Variants in FHIT observed in about 807,000 individuals in gnomAD.
The protein encoded by FHIT is bis(5'-adenosyl)-triphosphatase.
In FHIT, 19 loss-of-function variants were observed where a neutral mutation model predicts 17.9. The ratio of observed to expected loss-of-function variants is 1.06; its 90% CI spans 0.74 to 1.56. The LOEUF (loss-of-function observed/expected upper bound fraction) is 1.56. Ranked by LOEUF, FHIT falls within the 40% of genes most tolerant of loss-of-function variation. The pLI is 0.00. For synonymous variants in FHIT, 81 were observed against 69.7 expected, an observed-to-expected ratio of 1.16 and a Z score of -0.81; for missense variants, 248 against 189.2, an observed-to-expected ratio of 1.31 and a Z score of -1.82.
chr3:60,870,246 T>C (rs1157353795), intron 3 of FHIT, among the ~76,000 whole-genome samples: 1 of 59,622 alleles, frequency 1.7e-5, no homozygotes, highest in Non-Finnish European at 3.3e-5. Flanking sequence ...AATACAGAGG[T>C]ATTTAAACAC....
intron 5 of FHIT, among the ~76,000 whole-genome samples, chr3:60,502,035 A>C (rs1298409378): frequency 6.6e-6 from 1 of 152,240 alleles, no homozygotes; most frequent in Non-Finnish European, 1.5e-5. Context: ...ATTTCAGAGA[A>C]AGAAGCAATC....
At chr3:60,118,533 T>G (rs570701898) in intron 5 of FHIT, among the ~76,000 whole-genome samples, 2 of 152,208 alleles carry the variant, frequency 1.3e-5, no homozygotes, top group South Asian at 4.2e-4. Context: ...CATAATACTG[T>G]CAGGAGCTTC....
chr3:60,019,024 T>A (rs1481281662), intron 5 of FHIT, among the ~76,000 whole-genome samples: 1 of 152,168 alleles, frequency 6.6e-6, no homozygotes, highest in Non-Finnish European at 1.5e-5. Context: ...TAGGTTTTAC[T>A]ACCATAAGTC....
intron 8 of FHIT, among the ~76,000 whole-genome samples, chr3:59,771,393 C>A (rs910262006): frequency 9.2e-5 from 14 of 152,110 alleles, no homozygotes; most frequent in African/African-American, 3.4e-4. Flanking sequence ...TTAAAAAAGA[C>A]AATTCTCCAA....
intron 2 of FHIT, among the ~76,000 whole-genome samples, chr3:61,065,298 C>T (rs1036566452): frequency 2.9e-5 from 4 of 137,466 alleles, no homozygotes; most frequent in Non-Finnish European, 5.0e-5. Flanking sequence ...CACACACATA[C>T]ACACACAGGC....
chr3:61,103,896 T>C (rs779862413), intron 2 of FHIT, among the ~76,000 whole-genome samples: 13 of 151,882 alleles, frequency 8.6e-5, no homozygotes, highest in Non-Finnish European at 1.6e-4. Context: ...TTTTTCTTTT[T>C]TTTTTTTCTT....
At chr3:60,289,233 C>T (rs1213896435) in intron 5 of FHIT, among the ~76,000 whole-genome samples, 1 of 152,132 alleles carries the variant, frequency 6.6e-6, no homozygotes, top group Non-Finnish European at 1.5e-5. Flanking sequence ...ATCTGTTCTC[C>T]ATGGTTCTCT....
At chr3:60,682,669 G>C (rs144845648) in intron 4 of FHIT, among the ~76,000 whole-genome samples, 3 of 152,296 alleles carry the variant, frequency 2.0e-5, no homozygotes, top group African/African-American at 7.2e-5. Context: ...TTCTGATGGA[G>C]ATGTAAAAGG....
At chr3:59,993,561 G>C (rs923784999) in intron 7 of FHIT, among the ~76,000 whole-genome samples, 10 of 151,936 alleles carry the variant, frequency 6.6e-5, no homozygotes, top group African/African-American at 2.2e-4. Flanking sequence ...CCTGAGAGAA[G>C]GTGTCTTCTC....
chr3:60,287,233 A>G (rs1306407050), intron 5 of FHIT, among the ~76,000 whole-genome samples: 1 of 152,122 alleles, frequency 6.6e-6, no homozygotes, highest in African/African-American at 2.4e-5. Flanking sequence ...CAGTGGCAAG[A>G]TCTTGCCTCA....
chr3:60,216,217 G>C (rs1253481239), intron 5 of FHIT, among the ~76,000 whole-genome samples: 1 of 152,130 alleles, frequency 6.6e-6, no homozygotes, highest in Non-Finnish European at 1.5e-5. Flanking sequence ...CAAAAACAGA[G>C]AATTTATATA....
intron 5 of FHIT, among the ~76,000 whole-genome samples, chr3:60,105,756 T>G (rs1440886097): frequency 6.6e-6 from 1 of 152,324 alleles, no homozygotes; most frequent in South Asian, 2.1e-4. Flanking sequence ...GTGTGGATTT[T>G]TTTTTAGTTG....
intron 8 of FHIT, among the ~76,000 whole-genome samples, chr3:59,874,236 A>G (rs1703051034): frequency 1.3e-5 from 2 of 152,150 alleles, no homozygotes; most frequent in Admixed American, 6.5e-5. Flanking sequence ...CATCGATCCA[A>G]CTTCTTCTCT....
At position 60,656,499 on chromosome 3, in the gene FHIT, ACT is replaced by A. The variant is rs144297611; in HGVS notation, c.-17-119522_-17-119521del. Among the ~76,000 whole-genome samples, 709 of 152,168 alleles carry A rather than the reference ACT, an allele frequency of 4.7e-3. 4 individuals are homozygous for A. The highest frequency in any genetic ancestry group is 0.015 in the African/African-American group (631 of 41,524). On this transcript the variant is annotated intron_variant, in intron 4 of 9. Coordinates refer to ENST00000492590, the MANE Select transcript of FHIT (RefSeq NM_002012.4). ...CAAATGAATTGGGGCACCTCTACAG[ACT>A]CTCCATTCAAACGCACATCCTCCTC...
At chr3:60,300,520 G>GT (rs1173481555) in intron 5 of FHIT, among the ~76,000 whole-genome samples, 6 of 152,000 alleles carry the variant, frequency 3.9e-5, no homozygotes, top group East Asian at 1.9e-4. Flanking sequence ...GTTTTGTTTT[G>GT]TTTTTTCCTG....
intron 4 of FHIT, among the ~76,000 whole-genome samples, chr3:60,769,412 T>C (rs1469726142): frequency 6.6e-6 from 1 of 152,158 alleles, no homozygotes; most frequent in Non-Finnish European, 1.5e-5. Flanking sequence ...ACCAGGAAAT[T>C]TGAGGTCTGC....
chr3:60,215,342 G>T (rs1467111219), intron 5 of FHIT, among the ~76,000 whole-genome samples: 1 of 151,986 alleles, frequency 6.6e-6, no homozygotes, highest in Admixed American at 6.6e-5. Flanking sequence ...AGCTAGGCAT[G>T]GTGGTGCACA....
intron 5 of FHIT, among the ~76,000 whole-genome samples, chr3:60,255,838 G>C (rs1166480391): frequency 1.3e-5 from 2 of 151,912 alleles, no homozygotes; most frequent in Non-Finnish European, 2.9e-5. Flanking sequence ...CTGGGCAACA[G>C]AGCGAGACTC....
chr3:60,635,214 G>A (rs1371865273), intron 4 of FHIT, among the ~76,000 whole-genome samples: 1 of 152,170 alleles, frequency 6.6e-6, no homozygotes, highest in African/African-American at 2.4e-5. Flanking sequence ...ATTACTTGCA[G>A]AAGTTTTTTT....
Sources: gnomAD v4.1 joint callset for allele counts (sites outside exome capture counted in the v4.1 genomes callset) on GRCh38, gnomAD v4.1.1 for gene constraint, MANE v1.5 for transcripts, NCBI Gene and HGNC (gene_info 2026-07-23, HGNC 2026-07-21) for gene names.